KLHL29: variants seen among roughly 807,000 people sequenced by gnomAD.
The protein encoded by KLHL29 is kelch like family member 29.
KLHL29 carries 21 observed loss-of-function variants against 80.4 expected under a neutral mutation model. The ratio of observed to expected loss-of-function variants is 0.26; its 90% CI spans 0.19 to 0.38. KLHL29 has a LOEUF of 0.38. KLHL29 is among the 10% of genes least tolerant of loss of function. KLHL29 has a pLI of 1.00. For synonymous variants in KLHL29, 511 were observed against 526.8 expected, an observed-to-expected ratio of 0.97 and a Z score of 0.41; for missense variants, 867 against 1,223.9, an observed-to-expected ratio of 0.71 and a Z score of 4.35.
At chr2:23,541,765 C>CAAAAAA (rs149080311) in intron 2 of KLHL29, among the ~76,000 whole-genome samples, 4 of 139,934 alleles carry the variant, frequency 2.9e-5, no homozygotes, top group African/African-American at 1.2e-4. Context: ...AAGCCCAACC[C>CAAAAAA]AAAAAACAAA....
intron 1 of KLHL29, among the ~76,000 whole-genome samples, chr2:23,434,434 G>A (rs1663281249): frequency 1.3e-5 from 2 of 151,284 alleles, no homozygotes; most frequent in East Asian, 2.0e-4. Context: ...GGTGGGGAGA[G>A]AAAGGCCTTG....
At chr2:23,463,284 T>C (rs1664265903) in intron 1 of KLHL29, among the ~76,000 whole-genome samples, 1 of 152,106 alleles carries the variant, frequency 6.6e-6, no homozygotes, top group South Asian at 2.1e-4. Flanking sequence ...TAATTTGTTA[T>C]GATTCTTGTT....
rs1572518956 is a variant in KLHL29 at position 23,696,060 on chromosome 2, C to T, written c.1851C>T (p.Pro617=). 2 of 1,551,802 alleles carry T rather than the reference C, an allele frequency of 1.3e-6. No homozygotes were observed. Among genetic ancestry groups the T allele is most frequent in the Non-Finnish European group, 1.7e-6 (2 of 1,147,006 alleles). The change falls in exon 10 of 14, where the codon CCC becomes CCT. Residue 617 remains proline, a synonymous_variant. Transcript: ENST00000486442. The surrounding 1 kb of genome is among the most constrained non-coding windows in gnomAD (Gnocchi z 5.5). ...ACCCGCAGAACAACAAGTGGTACCC[C>T]TTGGCCTCGCTGCCCTTCTATGACC... ...CWNPQNNKWY[P]LASLPFYDRE... is the part of the protein sequence containing the mutation.
chr2:23,594,064 A>T (rs1438432785), intron 3 of KLHL29, among the ~76,000 whole-genome samples: 1 of 152,154 alleles, frequency 6.6e-6, no homozygotes, highest in East Asian at 1.9e-4. Context: ...TAGTTATGAG[A>T]CTGAAATGAA....
rs1267587367 is a variant in KLHL29, at chr2:23,524,791, A to G, written c.-45-37361A>G. 3.9e-5 allele frequency among the ~76,000 whole-genome samples: 6 copies of G among 152,262 alleles called. 1 individual carries two copies. Among genetic ancestry groups the G allele is most frequent in the Non-Finnish European group, 7.3e-5 (5 of 68,042 alleles). ...TCATGGTGAGCAGAACACATTTGGTATGAAAACATTACAGGAAAACAAAAG... is the reference window on the plus strand; with the variant it reads ...TCATGGTGAGCAGAACACATTTGGTGTGAAAACATTACAGGAAAACAAAAG... On this transcript the variant is annotated intron_variant, in intron 2 of 13. Transcript: ENST00000486442.
At position 23,700,854 on chromosome 2, in the gene KLHL29, G is replaced by A. The variant is rs576077157; in HGVS notation, c.2106-2332G>A. On this transcript the variant is annotated intron_variant, in intron 11 of 13. Coordinates refer to ENST00000486442, the MANE Select transcript of KLHL29 (RefSeq NM_052920.2). This position sits in a 1 kb window ranked among gnomAD's most constrained non-coding sequence, Gnocchi z 4.6. ...CCTTCAGGGGCACAGCCACTCACTC[G>A]CTGTTGGGACCTTGGCTGCCCTCTG... Among the ~76,000 whole-genome samples, 34 of 152,194 alleles carry A rather than the reference G, an allele frequency of 2.2e-4. No individual in the cohort carries two copies. In the Middle Eastern group the frequency reaches 0.01, roughly 46 times the overall value.
chr2:23,499,705 G>A (rs1665379576), intron 2 of KLHL29, among the ~76,000 whole-genome samples: 2 of 152,214 alleles, frequency 1.3e-5, no homozygotes, highest in African/African-American at 2.4e-5. Context: ...AGAAAGTAAA[G>A]CATGACTTGG....
chr2:23,672,431 G>T (rs1670792142), intron 5 of KLHL29: 1 of 152,370 alleles, frequency 6.6e-6, no homozygotes, highest in Non-Finnish European at 1.5e-5. Context: ...TATGCACCGA[G>T]GTGCTGAGCT....
At chr2:23,401,190 G>T (rs1666591536) in intron 1 of KLHL29, among the ~76,000 whole-genome samples, 1 of 152,230 alleles carries the variant, frequency 6.6e-6, no homozygotes, top group Admixed American at 6.5e-5. Flanking sequence ...TTGCTCTACA[G>T]TAGAGACCTG....
intron 2 of KLHL29, among the ~76,000 whole-genome samples, chr2:23,555,122 C>T (rs1184503316): frequency 2.2e-5 from 2 of 91,080 alleles, no homozygotes; most frequent in Non-Finnish European, 4.7e-5. Flanking sequence ...GGATGACCTC[C>T]CCCCCCCCCT....
intron 1 of KLHL29, among the ~76,000 whole-genome samples, chr2:23,398,656 C>G (rs545672126): frequency 9.2e-5 from 14 of 152,352 alleles, no homozygotes; most frequent in South Asian, 8.3e-4. Context: ...ATAGTGAGCC[C>G]TTGGGCCATG....
chr2:23,412,660 T>C (rs1437498892), intron 1 of KLHL29, among the ~76,000 whole-genome samples: 1 of 152,082 alleles, frequency 6.6e-6, no homozygotes, highest in East Asian at 1.9e-4. Flanking sequence ...ACAAGAAGCA[T>C]CTTGGAAGGT....
intron 3 of KLHL29, among the ~76,000 whole-genome samples, chr2:23,586,336 C>A (rs929709016): frequency 4.0e-5 from 6 of 151,894 alleles, no homozygotes; most frequent in African/African-American, 1.5e-4. Context: ...CAGCCTCCCC[C>A]CCATTCCTTC....
intron 3 of KLHL29, among the ~76,000 whole-genome samples, chr2:23,599,352 C>G (rs992826000): frequency 6.6e-6 from 1 of 151,960 alleles, no homozygotes; most frequent in African/African-American, 2.4e-5. Flanking sequence ...ATGAGGAAAC[C>G]GGGGCTTTTC....
chr2:23,616,063 G>C (rs1345887887), intron 3 of KLHL29, among the ~76,000 whole-genome samples: 2 of 152,182 alleles, frequency 1.3e-5, no homozygotes, highest in African/African-American at 4.8e-5. Flanking sequence ...GACCTCACTG[G>C]ACCTATGGGT....
At chr2:23,394,265 C>G (rs1666394232) in intron 1 of KLHL29, among the ~76,000 whole-genome samples, 1 of 152,176 alleles carries the variant, frequency 6.6e-6, no homozygotes, top group Non-Finnish European at 1.5e-5. Context: ...TGGATCAAAC[C>G]TGCAGCTAAG....
chr2:23,394,333 G>A (rs980858401), intron 1 of KLHL29, among the ~76,000 whole-genome samples: 8 of 152,298 alleles, frequency 5.3e-5, no homozygotes, highest in African/African-American at 1.9e-4. Context: ...TTCTAAATGA[G>A]GGTAGATTGA....
intron 3 of KLHL29, among the ~76,000 whole-genome samples, chr2:23,600,110 G>A (rs1668533439): frequency 6.6e-6 from 1 of 152,232 alleles, no homozygotes; most frequent in Non-Finnish European, 1.5e-5. Flanking sequence ...CAAGCTGGAG[G>A]TTGGTGACAC....
intron 13 of KLHL29, among the ~76,000 whole-genome samples, chr2:23,705,228 C>T (rs1292978247): frequency 1.3e-5 from 2 of 152,218 alleles, no homozygotes; most frequent in African/African-American, 4.8e-5. Context: ...CACAGTGGCT[C>T]ACGCCTGTAA....
Sources: allele counts gnomAD v4.1 joint callset (sites outside exome capture counted in the v4.1 genomes callset), GRCh38; gene constraint gnomAD v4.1.1; non-coding constraint Gnocchi (gnomAD v3.1); transcripts MANE v1.5; gene names NCBI Gene and HGNC (gene_info 2026-07-23, HGNC 2026-07-21).